The following RANBP2 variants were observed in gnomAD, a reference collection of about 807,000 sequenced individuals.
The protein encoded by RANBP2 is E3 SUMO-protein ligase RanBP2.
A neutral mutation model predicts 303.6 loss-of-function variants in RANBP2; 57 were observed. The ratio of observed to expected loss-of-function variants is 0.19; its 90% CI spans 0.15 to 0.23. RANBP2 has a LOEUF of 0.23. RANBP2 is among the 10% of genes least tolerant of loss of function. The pLI, the probability that RANBP2 is intolerant of heterozygous loss-of-function variation, is 1.00. For synonymous variants in RANBP2, 1,167 were observed against 1,301.5 expected, an observed-to-expected ratio of 0.90 and a Z score of 2.23; for missense variants, 3,138 against 3,780.8, an observed-to-expected ratio of 0.83 and a Z score of 4.46.
chr2:109,383,676 C>T, the RANBP2 span, among the ~76,000 whole-genome samples: 1 of 152,114 alleles, frequency 6.6e-6, no homozygotes, highest in Non-Finnish European at 1.5e-5. Flanking sequence ...AGCACTGATT[C>T]CAGCTTCATT....
the RANBP2 span, among the ~76,000 whole-genome samples, chr2:109,418,711 G>A: frequency 2.0e-5 from 3 of 152,200 alleles, no homozygotes; most frequent in Admixed American, 2.0e-4. Flanking sequence ...CCAGGGCTGG[G>A]ACTTGGACAG....
chr2:109,163,350 C>T, the RANBP2 span, among the ~76,000 whole-genome samples: 2 of 141,090 alleles, frequency 1.4e-5, no homozygotes, highest in South Asian at 2.4e-4. Context: ...CATCAAAGGG[C>T]GGACTGGAGT....
chr2:108,899,228 T>C, the RANBP2 span, among the ~76,000 whole-genome samples: 9 of 152,230 alleles, frequency 5.9e-5, no homozygotes, highest in African/African-American at 2.2e-4. Flanking sequence ...AGTAGACTTA[T>C]AATCAGAAAC....
At chr2:109,564,528 T>C in the RANBP2 span, 5 of 1,507,820 alleles carry the variant, frequency 3.3e-6, no homozygotes, top group East Asian at 2.3e-5. Context: ...GTGGTTTTCA[T>C]TTTCCACTAG....
the RANBP2 span, among the ~76,000 whole-genome samples, chr2:109,155,762 T>C: frequency 3.9e-5 from 6 of 152,214 alleles, no homozygotes; most frequent in Admixed American, 3.9e-4. Flanking sequence ...ATCCTGCCAA[T>C]GTTGATCATA....
At chr2:109,098,545 A>G in the RANBP2 span, among the ~76,000 whole-genome samples, 1 of 152,164 alleles carries the variant, frequency 6.6e-6, no homozygotes, top group Non-Finnish European at 1.5e-5. Context: ...TAGCTTTAAG[A>G]TGACTGATAC....
the RANBP2 span, among the ~76,000 whole-genome samples, chr2:109,103,798 C>CT: frequency 0.024 from 3,477 of 144,420 alleles, 95 homozygotes; most frequent in African/African-American, 0.054. Context: ...TTTTTCTTTT[C>CT]TTTTTTTTTT....
At chr2:108,901,953 A>C in the RANBP2 span, among the ~76,000 whole-genome samples, 1 of 152,026 alleles carries the variant, frequency 6.6e-6, no homozygotes, top group South Asian at 2.1e-4. Context: ...AAATACAAAA[A>C]TTAGGGCTGG....
the RANBP2 span, among the ~76,000 whole-genome samples, chr2:109,107,953 T>G: frequency 6.6e-6 from 1 of 152,136 alleles, no homozygotes; most frequent in Non-Finnish European, 1.5e-5. Flanking sequence ...TCGCCCAGGC[T>G]GGAGTGCAGT....
At chr2:109,609,089 T>C in the RANBP2 span, among the ~76,000 whole-genome samples, 3 of 152,332 alleles carry the variant, frequency 2.0e-5, no homozygotes, top group East Asian at 1.9e-4. Flanking sequence ...CCTGGCACTA[T>C]GTTATAATGA....
chr2:109,696,614 G>C, the RANBP2 span, among the ~76,000 whole-genome samples: 1 of 151,896 alleles, frequency 6.6e-6, no homozygotes, highest in Non-Finnish European at 1.5e-5. Flanking sequence ...TTCAAACTTG[G>C]TTTGGCTATT....
the RANBP2 span, among the ~76,000 whole-genome samples, chr2:108,871,538 C>G: frequency 2.0e-5 from 3 of 151,892 alleles, no homozygotes; most frequent in East Asian, 5.8e-4. Flanking sequence ...GGCAACAAAG[C>G]AAGACTTTAG....
At chr2:109,534,923 C>T in the RANBP2 span, among the ~76,000 whole-genome samples, 1 of 152,114 alleles carries the variant, frequency 6.6e-6, no homozygotes, top group Non-Finnish European at 1.5e-5. Flanking sequence ...GAGAAGGCCC[C>T]CTCCCCTCCA....
chr2:109,008,404 A>T, the RANBP2 span, among the ~76,000 whole-genome samples: 1 of 152,192 alleles, frequency 6.6e-6, no homozygotes, highest in Non-Finnish European at 1.5e-5. Context: ...CAACTTCCAA[A>T]TCACAACCAG....
At chr2:108,910,471 C>G in the RANBP2 span, 1 of 1,613,756 alleles carries the variant, frequency 6.2e-7, no homozygotes. Flanking sequence ...TCTTGGTGGG[C>G]TTTGCTGGAG....
the RANBP2 span, among the ~76,000 whole-genome samples, chr2:109,592,464 C>G: frequency 7.5e-6 from 1 of 132,564 alleles, no homozygotes; most frequent in Non-Finnish European, 1.6e-5. Flanking sequence ...AGCTCTGTCT[C>G]AAAAAACAAA....
At chr2:109,029,774 C>G in the RANBP2 span, among the ~76,000 whole-genome samples, 2 of 152,202 alleles carry the variant, frequency 1.3e-5, no homozygotes, top group Admixed American at 6.5e-5. Flanking sequence ...CATCTCTATC[C>G]TTGTCTCCAG....
the RANBP2 span, among the ~76,000 whole-genome samples, chr2:108,814,810 A>G: frequency 6.6e-6 from 1 of 151,296 alleles, no homozygotes; most frequent in Admixed American, 6.6e-5. Flanking sequence ...TAATTTTTAT[A>G]TTTTTAGTAG....
the RANBP2 span, among the ~76,000 whole-genome samples, chr2:108,909,343 G>A: frequency 6.6e-6 from 1 of 151,940 alleles, no homozygotes. Context: ...TTCCATGCAG[G>A]GTGACCAGGT....
Sources: allele counts gnomAD v4.1 joint callset (sites outside exome capture counted in the v4.1 genomes callset), GRCh38; gene constraint gnomAD v4.1.1; transcripts MANE v1.5; gene names NCBI Gene and HGNC (gene_info 2026-07-23, HGNC 2026-07-21).